Variants in MARCHF10 observed in about 807,000 individuals in gnomAD.
MARCHF10 encodes the protein probable E3 ubiquitin-protein ligase MARCHF10.
MARCHF10 carries 64 observed loss-of-function variants against 76.2 expected under a neutral mutation model. The observed-to-expected ratio is 0.84, with a 90% CI of 0.69 to 1.03. The LOEUF (loss-of-function observed/expected upper bound fraction) is 1.03, where lower values mean the gene tolerates loss of function less well. MARCHF10 is among the 50% of genes least tolerant of loss of function. MARCHF10 has a pLI of 0.00. For missense variants in MARCHF10, 875 were observed against 958.0 expected (o/e 0.91, Z 1.14); for synonymous variants, 340 against 357.5 (o/e 0.95, Z 0.55).
rs368543883 is a variant in MARCHF10 at position 62,701,680 on chromosome 17, G to A, written c.*23C>T. 32 of 1,613,790 alleles carry A rather than the reference G, an allele frequency of 2.0e-5. No homozygotes were observed. The highest frequency in any genetic ancestry group is 2.5e-5 in the Non-Finnish European group (29 of 1,179,996). On this transcript the variant is annotated 3_prime_UTR_variant, in exon 11 of 11. Coordinates refer to ENST00000311269, the MANE Select transcript of MARCHF10 (RefSeq NM_152598.4). ...AGGGCTGGCGGGAGAGGTCTCCGCC[G>A]AGCTCCACAGTTGGCTTCCTTGCTA... is the stretch of plus-strand genomic sequence containing the variant.
intron 3 of MARCHF10, among the ~76,000 whole-genome samples, chr17:62,769,274 T>C (rs1029204299): frequency 2.6e-5 from 4 of 152,218 alleles, no homozygotes; most frequent in Non-Finnish European, 4.4e-5. Context: ...AGGTAATCAG[T>C]GGGATGGTTC....
chr17:62,723,189 T>C lies in MARCHF10; in HGVS notation c.2105-592A>G, dbSNP rs143646443. 5.5e-3 allele frequency among the ~76,000 whole-genome samples: 824 copies of C among 150,928 alleles called. 7 individuals carry two copies. Among genetic ancestry groups the C allele is most frequent in the Non-Finnish European group, 8.2e-3 (556 of 67,822 alleles). ...GCTCAGACTCATCGGGGAAAAGGAA[T>C]ATGAGAAGGCTTCCTTTGTTGCTGT... On this transcript the variant is annotated intron_variant, in intron 7 of 10. Coordinates refer to ENST00000311269, the MANE Select transcript of MARCHF10 (RefSeq NM_152598.4).
chr17:62,716,816 CT>C (rs1212877646), intron 8 of MARCHF10, among the ~76,000 whole-genome samples: 2 of 152,090 alleles, frequency 1.3e-5, no homozygotes, highest in African/African-American at 4.8e-5. Flanking sequence ...GGTTTTGCCC[CT>C]TTTTTGGTAC....
chr17:62,708,466 G>A (rs546663621), intron 9 of MARCHF10, among the ~76,000 whole-genome samples: 5 of 152,146 alleles, frequency 3.3e-5, no homozygotes, highest in South Asian at 4.1e-4. Context: ...GGATGGTCTC[G>A]ATCTCCTGAC....
At chr17:62,773,415 G>A (rs571835618) in intron 3 of MARCHF10, among the ~76,000 whole-genome samples, 2 of 152,348 alleles carry the variant, frequency 1.3e-5, no homozygotes, top group South Asian at 4.1e-4. Flanking sequence ...ATTGGAGTGG[G>A]CTGAGGAGTG....
chr17:62,769,303 G>A (rs2092397588), intron 3 of MARCHF10, among the ~76,000 whole-genome samples: 1 of 152,164 alleles, frequency 6.6e-6, no homozygotes, highest in Admixed American at 6.5e-5. Context: ...TGATTGAATA[G>A]CCTGTCCCTA....
chr17:62,705,080 C>T, intron 10 of MARCHF10: 3 of 1,040,726 alleles, frequency 2.9e-6, no homozygotes, highest in Non-Finnish European at 3.5e-6. Context: ...CTGAATTCAG[C>T]AGACCCCAAA....
At chr17:62,787,859 G>C (rs1321731674) in intron 3 of MARCHF10, among the ~76,000 whole-genome samples, 2 of 152,020 alleles carry the variant, frequency 1.3e-5, no homozygotes, top group African/African-American at 2.4e-5. Flanking sequence ...CTGGAATGTT[G>C]CAAGCACTGA....
chr17:62,799,710 C>A (rs1270390938), intron 2 of MARCHF10, among the ~76,000 whole-genome samples: 2 of 151,372 alleles, frequency 1.3e-5, no homozygotes, highest in Non-Finnish European at 2.9e-5. Context: ...CGTGCCACTG[C>A]ACTCCAGCCT....
At chr17:62,704,340 G>T (rs1234793278) in intron 10 of MARCHF10, among the ~76,000 whole-genome samples, 1 of 152,110 alleles carries the variant, frequency 6.6e-6, no homozygotes, top group Non-Finnish European at 1.5e-5. Context: ...GGGGGGCGAG[G>T]CCGGGGTCGG....
chr17:62,760,860 A>AG (rs997659417), intron 3 of MARCHF10, among the ~76,000 whole-genome samples: 16 of 152,192 alleles, frequency 1.1e-4, no homozygotes, highest in African/African-American at 3.4e-4. Flanking sequence ...GTGGGGGTGG[A>AG]GGGGGGCACT....
Position 62,711,577 on chromosome 17 carries a change from A to G in MARCHF10, c.2215-233T>C, listed in dbSNP as rs2089933591. Among the ~76,000 whole-genome samples, 2 of 152,204 alleles carry G rather than the reference A, an allele frequency of 1.3e-5. No homozygotes were observed. Among genetic ancestry groups the G allele is most frequent in the Admixed American group, 1.3e-4 (2 of 15,282 alleles). On this transcript the variant is annotated intron_variant, in intron 8 of 10. Coordinates refer to ENST00000311269, the MANE Select transcript of MARCHF10 (RefSeq NM_152598.4). This position sits in a 1 kb window ranked among gnomAD's most constrained non-coding sequence, Gnocchi z 4.4. ...TAGCTAGTGGAGGATGCTCGGAGAA[A>G]GTTCCATTTTCCAGGCTCAATCCCA...
Position 62,712,897 on chromosome 17 carries a change from A to G in MARCHF10, c.2215-1553T>C, listed in dbSNP as rs1459612501. Reference sequence around the variant, plus strand: ...GTAGCTGGGATTACAGGTGTGCACCACCACGCCCAGCTAATTTTTGTATTT... The same window carrying G: ...GTAGCTGGGATTACAGGTGTGCACCGCCACGCCCAGCTAATTTTTGTATTT... On this transcript the variant is annotated intron_variant, in intron 8 of 10. Coordinates refer to ENST00000311269, the MANE Select transcript of MARCHF10 (RefSeq NM_152598.4). The surrounding 1 kb of genome is among the most constrained non-coding windows in gnomAD (Gnocchi z 4.2). Among the ~76,000 whole-genome samples the G allele has an allele frequency of 1.3e-5, 2 of 152,106 alleles. No homozygotes were observed. The highest frequency in any genetic ancestry group is 2.9e-5 in the Non-Finnish European group (2 of 68,024).
chr17:62,790,762 A>C (rs964277324), intron 2 of MARCHF10, among the ~76,000 whole-genome samples: 1 of 152,216 alleles, frequency 6.6e-6, no homozygotes, highest in African/African-American at 2.4e-5. Flanking sequence ...TTATGCTGTA[A>C]GGTTAAGAAT....
rs549022671 is a variant in MARCHF10, at chr17:62,741,820, G to A, written c.535+2556C>T. On this transcript the variant is annotated intron_variant, in intron 5 of 10. Coordinates refer to ENST00000311269, the MANE Select transcript of MARCHF10 (RefSeq NM_152598.4). Reference sequence around the variant, plus strand: ...CACCATTCTCCTGCCTCAGCCTCCCGAGTAGCTGGGACTACAGGTGCCCGC... The same window carrying A: ...CACCATTCTCCTGCCTCAGCCTCCCAAGTAGCTGGGACTACAGGTGCCCGC... 2.6e-5 allele frequency among the ~76,000 whole-genome samples: 4 copies of A among 151,618 alleles called. No individual in the cohort carries two copies. The East Asian group carries it at 5.8e-4, about 22-fold the overall frequency.
chr17:62,792,633 C>A (rs996009851), intron 2 of MARCHF10, among the ~76,000 whole-genome samples: 90 of 148,126 alleles, frequency 6.1e-4, no homozygotes, highest in African/African-American at 2.2e-3. Context: ...TCCATCACCA[C>A]CACCACAACC....
intron 2 of MARCHF10, among the ~76,000 whole-genome samples, chr17:62,792,709 CA>C (rs2092873104): frequency 1.4e-5 from 2 of 147,800 alleles, no homozygotes; most frequent in South Asian, 4.4e-4. Context: ...TCCATCACTA[CA>C]ACCATCACCA....
intron 10 of MARCHF10, chr17:62,705,024 G>T: frequency 6.1e-6 from 6 of 985,458 alleles, no homozygotes; most frequent in Non-Finnish European, 7.2e-6. Flanking sequence ...CGTCTTGCCC[G>T]CTTTGAGGGC....
At chr17:62,778,288 T>A (rs1025309142) in intron 3 of MARCHF10, among the ~76,000 whole-genome samples, 1 of 152,086 alleles carries the variant, frequency 6.6e-6, no homozygotes, top group Non-Finnish European at 1.5e-5. Context: ...GGGCCTTGGG[T>A]ACCTTGCGAA....
Sources: gnomAD v4.1 joint callset for allele counts (sites outside exome capture counted in the v4.1 genomes callset) on GRCh38, gnomAD v4.1.1 for gene constraint, Gnocchi (gnomAD v3.1) non-coding constraint, MANE v1.5 for transcripts, NCBI Gene and HGNC (gene_info 2026-07-23, HGNC 2026-07-21) for gene names.